The following ILDR1 variants were observed in gnomAD, a reference collection of about 807,000 sequenced individuals.
ILDR1 encodes immunoglobulin-like domain-containing receptor 1.
Under a neutral mutation model 62.4 loss-of-function variants are expected in ILDR1, and 56 were observed. The ratio of observed to expected loss-of-function variants is 0.90; its 90% CI spans 0.72 to 1.12. The LOEUF (loss-of-function observed/expected upper bound fraction) is 1.12, where lower values mean the gene tolerates loss of function less well. Among genes scored for constraint, ILDR1 ranks in the 50% most tolerant of loss-of-function variants. The pLI, the probability that ILDR1 is intolerant of heterozygous loss-of-function variation, is 0.00. For synonymous variants in ILDR1, 284 were observed against 277.8 expected, an observed-to-expected ratio of 1.02 and a Z score of -0.22; for missense variants, 736 against 710.6, an observed-to-expected ratio of 1.04 and a Z score of -0.41.
intron 1 of ILDR1, among the ~76,000 whole-genome samples, chr3:122,015,099 C>T (rs780741218): frequency 4.6e-5 from 7 of 152,240 alleles, no homozygotes; most frequent in Non-Finnish European, 8.8e-5. Context: ...AGTAAACACA[C>T]AGACAAAGTA....
chr3:122,006,851 A>AG (rs2107664404), intron 2 of ILDR1, 140 bp downstream of exon 2: 1 of 842,890 alleles, frequency 1.2e-6, no homozygotes, highest in Non-Finnish European at 1.9e-6. Flanking sequence ...TCTATAAAAC[A>AG]GAGGAACTAC....
chr3:121,996,237 G>T (rs1022155183), intron 5 of ILDR1, among the ~76,000 whole-genome samples: 16 of 152,114 alleles, frequency 1.1e-4, no homozygotes, highest in African/African-American at 3.9e-4. Context: ...CTTCCTCTTT[G>T]CTCCTCAAAT....
chr3:122,053,598 T>G, the ILDR1 span, among the ~76,000 whole-genome samples: 1 of 152,204 alleles, frequency 6.6e-6, no homozygotes, highest in Admixed American at 6.5e-5. Flanking sequence ...CAAGATGTTC[T>G]CAAACTCCTG....
At chr3:122,018,897 A>C (rs1024788687) in intron 1 of ILDR1, among the ~76,000 whole-genome samples, 3 of 152,304 alleles carry the variant, frequency 2.0e-5, no homozygotes, top group Admixed American at 6.5e-5. Context: ...AGTCTACGGT[A>C]TGGTCCATAC....
At chr3:122,022,732 C>T (rs1216216681), upstream of ILDR1, among the ~76,000 whole-genome samples, 2 of 152,102 alleles carry the variant, frequency 1.3e-5, no homozygotes, top group African/African-American at 2.4e-5. Context: ...GCCTGGCCTA[C>T]ATGGCGAAAC....
At chr3:122,005,495 A>G in intron 2 of ILDR1, 102 bp from the exon 3 acceptor site, 4 of 1,296,584 alleles carry the variant, frequency 3.1e-6, no homozygotes, top group Non-Finnish European at 4.4e-6. Flanking sequence ...AAGTGTCTCA[A>G]TTTTTCCCAA....
Position 121,993,535 on chromosome 3 carries a change from C to G in ILDR1, c.1214G>C (p.Ser405Thr). ...TATGGGTGACCCATTCAGCCTAGAG[C>G]TACGGTGCCTTCCACTCCACGATGG... ...LDPSWSGRHR[S>T]SRLNGSPIHW... Residue 405 changes from serine to threonine, a missense_variant, in exon 7 of 8, where the codon AGC (serine) becomes ACC (threonine). Coordinates refer to ENST00000344209, the MANE Select transcript of ILDR1 (RefSeq NM_001199799.2). The G allele has an allele frequency of 6.2e-7, 1 of 1,614,238 alleles. No homozygotes were observed. Among genetic ancestry groups the G allele is most frequent in the Non-Finnish European group, 8.5e-7 (1 of 1,180,046 alleles).
upstream of ILDR1, among the ~76,000 whole-genome samples, chr3:122,024,467 T>C (rs1432162239): frequency 1.3e-5 from 2 of 152,222 alleles, no homozygotes; most frequent in Non-Finnish European, 2.9e-5. Context: ...AATTAGAATT[T>C]CCTTATTTTT....
chr3:122,030,867 G>A, the ILDR1 span, among the ~76,000 whole-genome samples: 1 of 152,190 alleles, frequency 6.6e-6, no homozygotes, highest in Non-Finnish European at 1.5e-5. Flanking sequence ...GTTCTAATCT[G>A]CAGCCAGAGC....
Position 122,011,677 on chromosome 3 carries a change from T to TCACA in ILDR1, c.59-4520_59-4517dup, listed in dbSNP as rs10530548. On this transcript the variant is annotated intron_variant, in intron 1 of 7. Transcript: ENST00000344209. ...CTTTCTCTCTCTCTCTCTCTCTCTT[T>TCACA]CACACACACACACACACACGGGAAG... 5.4e-4 allele frequency among the ~76,000 whole-genome samples: 72 copies of TCACA among 133,236 alleles called. 2 individuals carry two copies. Among genetic ancestry groups the TCACA allele is most frequent in the East Asian group, 1.2e-3 (6 of 4,942 alleles). The allele number at this position is 133,236 out of a possible 152,430, so 87.4% of individuals were successfully genotyped here.
chr3:122,013,404 C>G (rs2071731882), intron 1 of ILDR1, among the ~76,000 whole-genome samples: 1 of 152,068 alleles, frequency 6.6e-6, no homozygotes, highest in Non-Finnish European at 1.5e-5. Context: ...CAGGTCTTTG[C>G]CGGCAAGGGG....
upstream of ILDR1, among the ~76,000 whole-genome samples, chr3:122,026,082 C>T (rs2071919703): frequency 6.6e-6 from 1 of 152,116 alleles, no homozygotes; most frequent in Admixed American, 6.6e-5. Context: ...TTAAGTTTTG[C>T]TAGGCTGGTG....
chr3:122,041,105 C>T, the ILDR1 span, among the ~76,000 whole-genome samples: 1 of 152,110 alleles, frequency 6.6e-6, no homozygotes, highest in South Asian at 2.1e-4. Flanking sequence ...GGTCAAAAAC[C>T]TTAACAGACA....
At chr3:122,056,923 A>C in the ILDR1 span, among the ~76,000 whole-genome samples, 1 of 152,188 alleles carries the variant, frequency 6.6e-6, no homozygotes. Context: ...GTCTATATTG[A>C]ACTTGTTAAG....
At chr3:122,043,374 G>A in the ILDR1 span, among the ~76,000 whole-genome samples, 4 of 142,394 alleles carry the variant, frequency 2.8e-5, no homozygotes, top group African/African-American at 1.0e-4. Flanking sequence ...TGTTCTTTTG[G>A]CTTAGGATTG....
At chr3:122,047,158 G>C in the ILDR1 span, among the ~76,000 whole-genome samples, 1 of 148,872 alleles carries the variant, frequency 6.7e-6, no homozygotes, top group East Asian at 2.0e-4. Flanking sequence ...TCAGCTGCAG[G>C]TCTGTTGGAA....
intron 7 of ILDR1, among the ~76,000 whole-genome samples, chr3:121,991,444 A>G (rs1295991493): frequency 6.6e-6 from 1 of 152,214 alleles, no homozygotes; most frequent in Non-Finnish European, 1.5e-5. Context: ...CTACATGAGT[A>G]AAGGAAGTGT....
rs779185529 is a variant in ILDR1, at chr3:122,007,130, G to A, written c.90C>T (p.His30=). The change falls in exon 2 of 8, where the codon CAC becomes CAT. Residue 30 remains histidine, a synonymous_variant. Transcript: ENST00000344209. ...CAAACAGGGTGACATAGCGTTCTGT[G>A]TGCTGGACCGTCACAAGCAAGGACA... The part of the protein sequence containing the change: ...GCLSLLVTVQ[H]TERYVTLFAS... 22 of 1,614,198 alleles carry A rather than the reference G, an allele frequency of 1.4e-5. No homozygotes were observed. Among genetic ancestry groups the A allele is most frequent in the Non-Finnish European group, 1.9e-5 (22 of 1,180,044 alleles).
At chr3:121,995,944 T>G (rs761900671) in intron 5 of ILDR1, among the ~76,000 whole-genome samples, 2 of 152,186 alleles carry the variant, frequency 1.3e-5, no homozygotes, top group Non-Finnish European at 2.9e-5. Context: ...ACTCTTTGTG[T>G]GCCGCACCGC....
Sources: allele counts gnomAD v4.1 joint callset (sites outside exome capture counted in the v4.1 genomes callset), GRCh38; gene constraint gnomAD v4.1.1; transcripts MANE v1.5; gene names NCBI Gene and HGNC (gene_info 2026-07-23, HGNC 2026-07-21).